The following COL23A1 variants were observed in gnomAD, a reference collection of about 807,000 sequenced individuals.
COL23A1 encodes the protein collagen type XXIII alpha 1 chain.
A neutral mutation model predicts 99.3 loss-of-function variants in COL23A1; 97 were observed. The observed-to-expected ratio is 0.98, with a 90% CI of 0.83 to 1.16. The LOEUF (loss-of-function observed/expected upper bound fraction) is 1.16, where lower values mean the gene tolerates loss of function less well. Ranked by LOEUF, COL23A1 falls within the 50% of genes most tolerant of loss-of-function variation. The pLI is 0.00. For missense variants in COL23A1, 762 were observed against 757.4 expected (o/e 1.01, Z -0.07); for synonymous variants, 320 against 308.2 (o/e 1.04, Z -0.40).
At chr5:178,343,343 G>C (rs1760775415) in intron 2 of COL23A1, among the ~76,000 whole-genome samples, 1 of 152,234 alleles carries the variant, frequency 6.6e-6, no homozygotes, top group African/African-American at 2.4e-5. Context: ...GAGCAGTCAT[G>C]TGACCGAGGA....
intron 2 of COL23A1, among the ~76,000 whole-genome samples, chr5:178,523,225 G>GAGAC (rs1760098729): frequency 9.3e-6 from 1 of 108,078 alleles, no homozygotes; most frequent in African/African-American, 3.2e-5. Flanking sequence ...GAGAGAGAGA[G>GAGAC]ACAGAGGGAG....
chr5:178,481,146 AAAAAG>A (rs1440547433), intron 2 of COL23A1, among the ~76,000 whole-genome samples: 5 of 151,156 alleles, frequency 3.3e-5, no homozygotes, highest in East Asian at 3.9e-4. Context: ...AAAAAAAAAA[AAAAAG>A]AAAGAAAGAA....
At chr5:178,409,882 T>C (rs967912756) in intron 2 of COL23A1, among the ~76,000 whole-genome samples, 4 of 152,202 alleles carry the variant, frequency 2.6e-5, no homozygotes, top group African/African-American at 9.6e-5. Flanking sequence ...TTATCAATGA[T>C]ATAAATGTAA....
chr5:178,408,507 C>T (rs1764874875), intron 2 of COL23A1, among the ~76,000 whole-genome samples: 1 of 151,912 alleles, frequency 6.6e-6, no homozygotes, highest in Non-Finnish European at 1.5e-5. Context: ...AATATATGTA[C>T]AGAAAACATT....
At chr5:178,546,067 G>A (rs951619076) in intron 2 of COL23A1, among the ~76,000 whole-genome samples, 4 of 151,820 alleles carry the variant, frequency 2.6e-5, no homozygotes, top group South Asian at 2.1e-4. Flanking sequence ...GAGGCTGCCC[G>A]GGAGGTGCTC....
chr5:178,416,364 C>T (rs763337462), intron 2 of COL23A1, among the ~76,000 whole-genome samples: 11 of 152,204 alleles, frequency 7.2e-5, no homozygotes, highest in African/African-American at 1.7e-4. Flanking sequence ...GGGCCTCCAT[C>T]GTGGCTGACC....
At chr5:178,262,151 G>T in intron 10 of COL23A1, 66 bp downstream of exon 10, 3 of 1,510,952 alleles carry the variant, frequency 2.0e-6, no homozygotes, top group East Asian at 4.8e-5. Flanking sequence ...GTGTGGGAAA[G>T]GGGCTTCCAG....
intron 2 of COL23A1, among the ~76,000 whole-genome samples, chr5:178,359,506 T>C (rs1166631731): frequency 2.0e-5 from 3 of 152,136 alleles, no homozygotes. Flanking sequence ...CTAGCCTGGG[T>C]GACAGAGCGA....
At chr5:178,390,318 A>C (rs1477519480) in intron 2 of COL23A1, among the ~76,000 whole-genome samples, 1 of 152,234 alleles carries the variant, frequency 6.6e-6, no homozygotes, top group African/African-American at 2.4e-5. Flanking sequence ...TTGTAGCTAC[A>C]ACTGGCTGGA....
At chr5:178,584,773 C>G (rs1282537878) in intron 1 of COL23A1, among the ~76,000 whole-genome samples, 2 of 152,112 alleles carry the variant, frequency 1.3e-5, no homozygotes, top group Non-Finnish European at 2.9e-5. Flanking sequence ...CCAGACACAC[C>G]GAGTGGGTGC....
At chr5:178,545,580 A>G (rs1276156539) in intron 2 of COL23A1, among the ~76,000 whole-genome samples, 4 of 152,180 alleles carry the variant, frequency 2.6e-5, no homozygotes, top group Non-Finnish European at 5.9e-5. Flanking sequence ...CAGGGCAGCA[A>G]AAGGAACCTC....
intron 8 of COL23A1, among the ~76,000 whole-genome samples, chr5:178,263,860 C>A (rs904647659): frequency 6.6e-6 from 1 of 152,196 alleles, no homozygotes; most frequent in Non-Finnish European, 1.5e-5. Flanking sequence ...CATCATGGAA[C>A]ACAACTCAGC....
chr5:178,469,008 GT>G (rs1756591253), intron 2 of COL23A1, among the ~76,000 whole-genome samples: 2 of 152,204 alleles, frequency 1.3e-5, no homozygotes, highest in Non-Finnish European at 2.9e-5. Context: ...TATCGTGTTT[GT>G]CCTTCTGTGT....
At chr5:178,414,700 A>T (rs1287464582) in intron 2 of COL23A1, among the ~76,000 whole-genome samples, 1 of 152,214 alleles carries the variant, frequency 6.6e-6, no homozygotes, top group Non-Finnish European at 1.5e-5. Context: ...TGAACCCGGG[A>T]GGCGGAGGTT....
At chr5:178,462,567 A>G (rs1756180290) in intron 2 of COL23A1, among the ~76,000 whole-genome samples, 1 of 152,166 alleles carries the variant, frequency 6.6e-6, no homozygotes, top group African/African-American at 2.4e-5. Flanking sequence ...TAATCCCCAA[A>G]TTACTATTGT....
chr5:178,288,566 G>T lies in COL23A1; in HGVS notation c.415-216C>A. On this transcript the variant is annotated intron_variant, in intron 4 of 28. Coordinates refer to ENST00000390654, the MANE Select transcript of COL23A1 (RefSeq NM_173465.4). ...AGGCTGGAGGGACCAAGAGCCTCAG[G>T]GCTTCATCGGGGCTCCGGGCACAGT... 3 of 624,956 alleles carry T rather than the reference G, an allele frequency of 4.8e-6. No individual in the cohort carries two copies. The South Asian group carries it at 5.8e-5, about 12-fold the overall frequency. The allele number at this position is 624,956 out of a possible 1,614,324, so 38.7% of individuals were successfully genotyped here.
chr5:178,523,143 A>AATATATATATATATATACAT (rs1760047558), intron 2 of COL23A1, among the ~76,000 whole-genome samples: 1 of 106,224 alleles, frequency 9.4e-6, no homozygotes, highest in Admixed American at 1.2e-4. Context: ...TCTATTTAAA[A>AATATATATATATATATACAT]ATATATATAT....
chr5:178,347,888 A>T (rs1208098288), intron 2 of COL23A1, among the ~76,000 whole-genome samples: 1 of 99,952 alleles, frequency 1.0e-5, no homozygotes, highest in Non-Finnish European at 2.0e-5. Context: ...TCAAAAAAAA[A>T]AAAAAAAAAC....
intron 2 of COL23A1, among the ~76,000 whole-genome samples, chr5:178,505,032 C>T (rs917754605): frequency 6.6e-6 from 1 of 152,166 alleles, no homozygotes; most frequent in Non-Finnish European, 1.5e-5. Context: ...TAAAGCAACA[C>T]ATGTTGACTG....
Sources: gnomAD v4.1 joint callset for allele counts (sites outside exome capture counted in the v4.1 genomes callset) on GRCh38, gnomAD v4.1.1 for gene constraint, MANE v1.5 for transcripts, NCBI Gene and HGNC (gene_info 2026-07-23, HGNC 2026-07-21) for gene names.